Variants in FERMT2 observed in about 807,000 individuals in gnomAD.
FERMT2 encodes the protein fermitin family homolog 2.
In FERMT2, 15 loss-of-function variants were observed where a neutral mutation model predicts 82.7. The ratio of observed to expected loss-of-function variants is 0.18; its 90% confidence interval spans 0.12 to 0.28. The LOEUF is 0.28. Among genes scored for constraint, FERMT2 ranks in the 10% least tolerant of loss-of-function variants. The probability of loss-of-function intolerance (pLI) is 1.00; values close to 1 mark genes in which losing one functional copy is unlikely to be tolerated. For missense variants in FERMT2, 645 were observed against 809.4 expected, an observed-to-expected ratio of 0.80 and a Z score of 2.46; for synonymous variants, 274 against 271.5, an observed-to-expected ratio of 1.01 and a Z score of -0.09.
At position 52,861,107 on chromosome 14, in the gene FERMT2, G is replaced by A. The variant is rs550551939; in HGVS notation, c.1603-642C>T. On this transcript the variant is annotated intron_variant, in intron 12 of 14. Transcript: ENST00000341590. ...AAAGGCAATCAGAAAAAATGGCAAC[G>A]AAGCAAAGAAAAAGTTGCGGTCACC... The A allele has an allele frequency of 9.3e-4, 1,279 of 1,371,214 alleles. 21 individuals carry two copies. The South Asian group carries it at 0.018, about 19-fold the overall frequency. The allele number at this position is 1,371,214 out of a possible 1,614,324, so 84.9% of individuals were successfully genotyped here.
chr14:52,944,975 A>G (rs770688497), intron 2 of FERMT2, among the ~76,000 whole-genome samples: 3 of 151,834 alleles, frequency 2.0e-5, no homozygotes, highest in Non-Finnish European at 2.9e-5. Context: ...ATCACAGCTC[A>G]CTGCAGCTGC....
At chr14:52,862,418 A>C (rs1884999869) in intron 12 of FERMT2, among the ~76,000 whole-genome samples, 1 of 152,052 alleles carries the variant, frequency 6.6e-6, no homozygotes, top group Admixed American at 6.5e-5. Flanking sequence ...CTGTAATCCC[A>C]GTGCTTCGGG....
chr14:52,865,341 A>C (rs1056019346), intron 10 of FERMT2, among the ~76,000 whole-genome samples: 2 of 152,172 alleles, frequency 1.3e-5, no homozygotes, highest in African/African-American at 4.8e-5. Flanking sequence ...ACTTTGTAGG[A>C]GGCTTTACAG....
chr14:52,922,385 T>C (rs1889005556), intron 2 of FERMT2, among the ~76,000 whole-genome samples: 1 of 152,084 alleles, frequency 6.6e-6, no homozygotes, highest in Non-Finnish European at 1.5e-5. Flanking sequence ...CTTGTCAGCA[T>C]GTTGGGGATC....
intron 3 of FERMT2, among the ~76,000 whole-genome samples, chr14:52,895,502 G>A (rs1887205709): frequency 6.6e-6 from 1 of 152,136 alleles, no homozygotes; most frequent in Non-Finnish European, 1.5e-5. Context: ...TCACCAATCA[G>A]TAAAAAGAAA....
At chr14:52,912,075 G>A (rs1172478997) in intron 3 of FERMT2, among the ~76,000 whole-genome samples, 6 of 149,804 alleles carry the variant, frequency 4.0e-5, no homozygotes, top group South Asian at 2.1e-4. Context: ...CTTCCCTGTC[G>A]TGCTGCCAGC....
At chr14:52,906,491 AC>A (rs1888019369) in intron 3 of FERMT2, among the ~76,000 whole-genome samples, 1 of 151,752 alleles carries the variant, frequency 6.6e-6, no homozygotes, top group African/African-American at 2.4e-5. Flanking sequence ...ACTACTCAAT[AC>A]AAAAAAATCC....
chr14:52,859,341 G>A lies in FERMT2; in HGVS notation c.1869+232C>T, dbSNP rs149668518. On this transcript the variant is annotated intron_variant, in intron 14 of 14. Coordinates refer to ENST00000341590, the MANE Select transcript of FERMT2 (RefSeq NM_006832.3). ...GAGTAGATCGGCTTTATCCATTACA[G>A]AAAGACAAAAAAGGCAACATTCTAA... The A allele has an allele frequency of 5.6e-4, 235 of 417,200 alleles. 3 individuals carry two copies. The highest frequency in any genetic ancestry group is 4.4e-3 in the African/African-American group (217 of 48,900). 25.8% of individuals were successfully genotyped at this position (417,200 alleles called of 1,614,324 possible). A position where few individuals can be genotyped will look rare whatever the true frequency, so the allele number is the denominator to read the frequency against.
intron 10 of FERMT2, among the ~76,000 whole-genome samples, chr14:52,867,444 T>A (rs149811028): frequency 6.4e-4 from 98 of 152,328 alleles, no homozygotes; most frequent in African/African-American, 2.3e-3. Context: ...GCTTTCATCA[T>A]ACTTCACTGC....
At chr14:52,866,400 G>A (rs1156634543) in intron 10 of FERMT2, among the ~76,000 whole-genome samples, 1 of 152,120 alleles carries the variant, frequency 6.6e-6, no homozygotes. Flanking sequence ...AACAGCAACA[G>A]AAGGAAGCAA....
chr14:52,917,302 G>T (rs1027018021), intron 3 of FERMT2, among the ~76,000 whole-genome samples: 2 of 152,016 alleles, frequency 1.3e-5, no homozygotes, highest in African/African-American at 2.4e-5. Flanking sequence ...GTGTATGTGT[G>T]TGTCTGTGTA....
At chr14:52,934,722 C>T (rs1473012102) in intron 2 of FERMT2, among the ~76,000 whole-genome samples, 2 of 152,192 alleles carry the variant, frequency 1.3e-5, no homozygotes, top group African/African-American at 4.8e-5. Context: ...TGAGCTATTT[C>T]TTCTTTAACT....
chr14:52,935,059 A>C (rs994944824), intron 2 of FERMT2, among the ~76,000 whole-genome samples: 1 of 152,238 alleles, frequency 6.6e-6, no homozygotes, highest in African/African-American at 2.4e-5. Context: ...TTAATGTATA[A>C]AGTTAAAAGA....
chr14:52,948,275 G>T (rs879938637), intron 2 of FERMT2, among the ~76,000 whole-genome samples: 1 of 152,198 alleles, frequency 6.6e-6, no homozygotes. Context: ...CCAGTTTTAC[G>T]CAACTCTGAA....
At chr14:52,898,389 T>C (rs185590794) in intron 3 of FERMT2, among the ~76,000 whole-genome samples, 114 of 152,334 alleles carry the variant, frequency 7.5e-4, no homozygotes, top group African/African-American at 2.6e-3. Context: ...GTTAATCCAC[T>C]TATCCTCAAA....
chr14:52,949,687 A>G (rs1042303501), intron 2 of FERMT2, among the ~76,000 whole-genome samples: 18 of 152,238 alleles, frequency 1.2e-4, no homozygotes, highest in African/African-American at 4.1e-4. Context: ...TTTAAATCGG[A>G]TATCAATCCA....
intron 4 of FERMT2, among the ~76,000 whole-genome samples, chr14:52,890,456 AAAG>A (rs1886876587): frequency 6.6e-6 from 1 of 151,576 alleles, no homozygotes; most frequent in Non-Finnish European, 1.5e-5. Context: ...AAAAAAAAAA[AAAG>A]AAAAGAAAAA....
rs1399920098 is a variant in FERMT2 at position 52,861,071 on chromosome 14, G to C, written c.1603-606C>G. 2.0e-6 allele frequency: 3 copies of C among 1,466,858 alleles called. No homozygotes were observed. In the South Asian group the frequency reaches 4.3e-5, roughly 21 times the overall value. The allele number at this position is 1,466,858 out of a possible 1,614,324, so 90.9% of individuals were successfully genotyped here. A position where few individuals can be genotyped will look rare whatever the true frequency, so the allele number is the denominator to read the frequency against. ...AATGCGAGGAAAGAAAAAGGAAGCA[G>C]AAAGAAAAAAAAAGGCAATCAGAAA... On this transcript the variant is annotated intron_variant, in intron 12 of 14. Coordinates refer to ENST00000341590, the MANE Select transcript of FERMT2 (RefSeq NM_006832.3).
At position 52,950,461 on chromosome 14, in the gene FERMT2, G is replaced by A. The variant is rs757622182; in HGVS notation, c.108C>T (p.Thr36=). The A allele has an allele frequency of 6.2e-7, 1 of 1,613,958 alleles. No homozygotes were observed. Among genetic ancestry groups the A allele is most frequent in the Non-Finnish European group, 8.5e-7 (1 of 1,179,960 alleles). The change falls in exon 2 of 15, where the codon ACC becomes ACT. Residue 36 remains threonine, a synonymous_variant. Transcript: ENST00000341590. ...DLNRDVTLRV[T]GEVHIGGVML... The stretch of plus-strand genomic sequence containing the variant: ...TCACGCCTCCAATGTGCACCTCGCC[G>A]GTCACTCTCAGGGTGACATCGCGGT...
Sources: gnomAD v4.1 joint callset for allele counts (sites outside exome capture counted in the v4.1 genomes callset) on GRCh38, gnomAD v4.1.1 for gene constraint, MANE v1.5 for transcripts, NCBI Gene and HGNC (gene_info 2026-07-23, HGNC 2026-07-21) for gene names.